ATOSA: variants seen among roughly 807,000 people sequenced by gnomAD.
The protein encoded by ATOSA is atos homolog protein A.
chr15:52,662,391 G>GT, the ATOSA span, among the ~76,000 whole-genome samples: 2 of 152,152 alleles, frequency 1.3e-5, no homozygotes, highest in Non-Finnish European at 2.9e-5. Flanking sequence ...GTTTTACTCT[G>GT]TATTTTTCTT....
the ATOSA span, among the ~76,000 whole-genome samples, chr15:52,659,852 A>T: frequency 1.3e-5 from 2 of 152,046 alleles, no homozygotes; most frequent in Non-Finnish European, 2.9e-5. Flanking sequence ...AAAAGAAAAA[A>T]ATATATATTA....
the ATOSA span, chr15:52,611,618 C>G: frequency 6.2e-7 from 1 of 1,614,014 alleles, no homozygotes; most frequent in Non-Finnish European, 8.5e-7. Context: ...AATAATAATG[C>G]ATCTTGCTTA....
the ATOSA span, chr15:52,593,408 T>A: frequency 3.4e-6 from 2 of 585,066 alleles, no homozygotes. Flanking sequence ...AGAGGTTATC[T>A]GTTGTTTGAA....
At chr15:52,678,173 C>A in the ATOSA span, 2 of 904,800 alleles carry the variant, frequency 2.2e-6, no homozygotes, top group East Asian at 5.0e-5. Context: ...ATACCCGGAC[C>A]TTGCAAGTAA....
At chr15:52,700,406 C>G in the ATOSA span, among the ~76,000 whole-genome samples, 5 of 152,074 alleles carry the variant, frequency 3.3e-5, no homozygotes, top group African/African-American at 1.2e-4. Flanking sequence ...TCTCTGCCCC[C>G]TCTCCTCCCC....
At chr15:52,648,285 T>C in the ATOSA span, among the ~76,000 whole-genome samples, 1 of 152,138 alleles carries the variant, frequency 6.6e-6, no homozygotes, top group African/African-American at 2.4e-5. Context: ...ATTACACAGC[T>C]AAATAATAAA....
At chr15:52,617,050 C>T in the ATOSA span, among the ~76,000 whole-genome samples, 1 of 152,068 alleles carries the variant, frequency 6.6e-6, no homozygotes. Flanking sequence ...AAAAAAATTG[C>T]TAGTCTATAA....
the ATOSA span, among the ~76,000 whole-genome samples, chr15:52,635,261 T>C: frequency 6.6e-6 from 1 of 152,128 alleles, no homozygotes; most frequent in African/African-American, 2.4e-5. Context: ...AAAGGATCAC[T>C]AAAAATATAG....
the ATOSA span, chr15:52,584,924 C>G: frequency 2.5e-6 from 4 of 1,610,610 alleles, no homozygotes; most frequent in Non-Finnish European, 3.4e-6. Context: ...TCACCACAGT[C>G]TTATTAGGAT....
At chr15:52,706,945 G>A in the ATOSA span, among the ~76,000 whole-genome samples, 14 of 152,168 alleles carry the variant, frequency 9.2e-5, no homozygotes, top group Non-Finnish European at 1.8e-4. Flanking sequence ...CTGGGGTGCT[G>A]AAATGTCCTA....
chr15:52,696,835 T>C, the ATOSA span, among the ~76,000 whole-genome samples: 1 of 151,398 alleles, frequency 6.6e-6, no homozygotes, highest in African/African-American at 2.4e-5. Flanking sequence ...CCTATGTATT[T>C]TAATTTATAT....
chr15:52,613,657 A>C, the ATOSA span: 3 of 1,611,134 alleles, frequency 1.9e-6, no homozygotes, highest in East Asian at 4.5e-5. Context: ...CAAAGCATTC[A>C]ACACAAGATT....
the ATOSA span, among the ~76,000 whole-genome samples, chr15:52,650,113 A>G: frequency 6.6e-6 from 1 of 152,216 alleles, no homozygotes; most frequent in Non-Finnish European, 1.5e-5. Flanking sequence ...TTAGTAATTC[A>G]TAAGAGTTAC....
chr15:52,690,175 A>T, the ATOSA span, among the ~76,000 whole-genome samples: 1 of 152,246 alleles, frequency 6.6e-6, no homozygotes, highest in Non-Finnish European at 1.5e-5. Context: ...GTGTTATTGA[A>T]TTAGATTCCC....
chr15:52,651,408 A>G, the ATOSA span, among the ~76,000 whole-genome samples: 3 of 152,204 alleles, frequency 2.0e-5, no homozygotes, highest in Non-Finnish European at 2.9e-5. Context: ...AATCTCACTT[A>G]GTTAAATTCT....
the ATOSA span, among the ~76,000 whole-genome samples, chr15:52,592,330 T>C: frequency 6.6e-6 from 1 of 152,150 alleles, no homozygotes; most frequent in Admixed American, 6.5e-5. Flanking sequence ...ACACCTAAAA[T>C]GAAAACCCAG....
At chr15:52,672,180 A>AAAAAAAAT in the ATOSA span, among the ~76,000 whole-genome samples, 1 of 133,300 alleles carries the variant, frequency 7.5e-6, no homozygotes, top group Non-Finnish European at 1.6e-5. Context: ...CTCAAAAAAA[A>AAAAAAAAT]AAAAAAAAAA....
the ATOSA span, among the ~76,000 whole-genome samples, chr15:52,594,083 C>T: frequency 2.6e-5 from 4 of 152,132 alleles, no homozygotes; most frequent in Admixed American, 6.5e-5. Context: ...TAAAAATATG[C>T]TCTATCAGAG....
the ATOSA span, chr15:52,613,734 G>A: frequency 6.2e-7 from 1 of 1,613,908 alleles, no homozygotes; most frequent in Non-Finnish European, 8.5e-7. Context: ...CTGTGCTGGA[G>A]GGCAATGAAA....
Sources: gnomAD v4.1 joint callset for allele counts (sites outside exome capture counted in the v4.1 genomes callset) on GRCh38, gnomAD v4.1.1 for gene constraint, MANE v1.5 for transcripts, NCBI Gene and HGNC (gene_info 2026-07-23, HGNC 2026-07-21) for gene names.